Variants in LMNB2 observed in about 807,000 individuals in gnomAD.
LMNB2 encodes lamin B2, also known as lamin-B2.
Under a neutral mutation model 69.3 loss-of-function variants are expected in LMNB2, and 17 were observed. That is an observed-to-expected ratio of 0.25 (90% confidence interval 0.17 to 0.37). The LOEUF is 0.37. Ranked by LOEUF, LMNB2 falls within the 10% of genes least tolerant of loss-of-function variation. The pLI, the probability that LMNB2 is intolerant of heterozygous loss-of-function variation, is 1.00. For missense variants in LMNB2, 789 were observed against 883.6 expected (o/e 0.89, Z 1.36); for synonymous variants, 397 against 389.3 (o/e 1.02, Z -0.23).
chr19:2,430,823 T>C lies in LMNB2; in HGVS notation c.*88A>G. On this transcript the variant is annotated 3_prime_UTR_variant, in exon 12 of 12. Coordinates refer to ENST00000325327, the MANE Select transcript of LMNB2 (RefSeq NM_032737.4). The stretch of plus-strand genomic sequence containing the variant: ...AGTTCGCTTAGAAATTCTCTAGAAA[T>C]GTATCAAGAACTAAAGAAAGCCAAT... 1.1e-6 allele frequency: 1 copy of C among 923,614 alleles called. No individual in the cohort carries two copies. The highest frequency in any genetic ancestry group is 1.3e-5 in the South Asian group (1 of 77,206). The allele number at this position is 923,614 out of a possible 1,614,324, so 57.2% of individuals were successfully genotyped here.
intron 1 of LMNB2, among the ~76,000 whole-genome samples, chr19:2,455,415 G>A (rs1020421039): frequency 2.0e-5 from 3 of 151,982 alleles, no homozygotes; most frequent in Admixed American, 2.0e-4. Context: ...TCAGTTGGGG[G>A]GGGTCCGCCA....
chr19:2,447,605 G>A lies in LMNB2; in HGVS notation c.265-3065C>T, dbSNP rs909938294. Among the ~76,000 whole-genome samples, 11 of 152,194 alleles carry A rather than the reference G, an allele frequency of 7.2e-5. No individual in the cohort carries two copies. The highest frequency in any genetic ancestry group is 1.9e-4 in the East Asian group (1 of 5,196). On this transcript the variant is annotated intron_variant, in intron 1 of 11. Coordinates refer to ENST00000325327, the MANE Select transcript of LMNB2 (RefSeq NM_032737.4). The surrounding 1 kb of genome is among the most constrained non-coding windows in gnomAD (Gnocchi z 4.4). ...TCTGGCGCTGAGGAAAAGGAGGACC[G>A]GAGGATGGTAGGCGGAACCAGGCCC...
intron 2 of LMNB2, among the ~76,000 whole-genome samples, chr19:2,439,856 C>T (rs1038450678): frequency 7.2e-5 from 11 of 151,902 alleles, no homozygotes; most frequent in African/African-American, 2.2e-4. Context: ...GCCTCAGCCT[C>T]CTGTGTAGCT....
intron 3 of LMNB2, 31 bp from the exon 4 acceptor site, chr19:2,438,319 AC>A (rs1555683476): frequency 5.6e-6 from 9 of 1,613,630 alleles, no homozygotes; most frequent in Non-Finnish European, 7.6e-6. Context: ...AGCTGGTGTG[AC>A]AATCTGTCTG....
intron 1 of LMNB2, among the ~76,000 whole-genome samples, chr19:2,454,952 G>C (rs748237685): frequency 6.6e-6 from 1 of 151,864 alleles, no homozygotes; most frequent in Non-Finnish European, 1.5e-5. Flanking sequence ...CTGAAGCCTC[G>C]GGGCCCATTC....
At position 2,456,111 on chromosome 19, in the gene LMNB2, T is replaced by C. The variant is rs1476725961; in HGVS notation, c.264+559A>G. 1.3e-4 allele frequency among the ~76,000 whole-genome samples: 17 copies of C among 133,592 alleles called. No individual in the cohort carries two copies. The East Asian group carries it at 1.3e-3, about 10-fold the overall frequency. The allele number at this position is 133,592 out of a possible 152,430, so 87.6% of individuals were successfully genotyped here. On this transcript the variant is annotated intron_variant, in intron 1 of 11. Transcript: ENST00000325327. Reference sequence around the variant, plus strand: ...GAGTCCCCCGCGATCGCGCGCCCCGTGGTGGGCGGGGCCTGGCCGAGTAGC... The same window carrying C: ...GAGTCCCCCGCGATCGCGCGCCCCGCGGTGGGCGGGGCCTGGCCGAGTAGC...
intron 2 of LMNB2, among the ~76,000 whole-genome samples, chr19:2,439,952 C>T (rs111567996): frequency 0.042 from 6,362 of 151,466 alleles, 153 homozygotes; most frequent in Non-Finnish European, 0.051. Flanking sequence ...AGGCTGGTCT[C>T]GAACTCCCAA....
chr19:2,438,409 C>A lies in LMNB2; in HGVS notation c.524G>T (p.Ser175Ile). 1 of 1,612,848 alleles carries A rather than the reference C, an allele frequency of 6.2e-7. No homozygotes were observed. Among genetic ancestry groups the A allele is most frequent in the Non-Finnish European group, 8.5e-7 (1 of 1,179,886 alleles). The change falls in exon 3 of 12, where the codon AGT becomes ATT. Residue 175 changes from serine (S) to isoleucine (I), a missense_variant. Transcript: ENST00000325327. ...CTGGGCCCGCAGCTCAGCCACGTCA[C>A]TCTCCAGGCCGCGCTTGTCGCTGAG... ...AALSDKRGLE[S>I]DVAELRAQLA... is the part of the protein sequence containing the mutation.
At chr19:2,432,346 G>C in intron 9 of LMNB2, 70 bp downstream of exon 9, 2 of 758,066 alleles carry the variant, frequency 2.6e-6, no homozygotes, top group Non-Finnish European at 4.3e-6. Context: ...CAAGTCCTGT[G>C]CCTCCAGTCC....
chr19:2,449,483 A>C (rs573254948), intron 1 of LMNB2, among the ~76,000 whole-genome samples: 190 of 152,326 alleles, frequency 1.2e-3, no homozygotes, highest in Admixed American at 2.2e-3. Flanking sequence ...TGATTTTTAA[A>C]AGATAATCCA....
At position 2,432,450 on chromosome 19, in the gene LMNB2, G is replaced by A; in HGVS notation, c.1556C>T (p.Pro519Leu). ...EGEEIAYKFT[P>L]KYILRAGQMV... is the part of the protein sequence containing the mutation. ...CTGGCCGGCGCGCAGGATGTACTTG[G>A]GCGTGAACTTGTAGGCGATCTCCTC... Residue 519 changes from proline to leucine, a missense_variant, in exon 9 of 12, where the codon CCC becomes CTC. Around this residue, in one of 3 missense-constraint regions of LMNB2, gnomAD observed 609 missense variants for 630.9 expected, o/e 0.97. Coordinates refer to ENST00000325327, the MANE Select transcript of LMNB2 (RefSeq NM_032737.4). The A allele has an allele frequency of 1.9e-6, 3 of 1,613,590 alleles. No homozygotes were observed. Among genetic ancestry groups the A allele is most frequent in the Non-Finnish European group, 2.5e-6 (3 of 1,179,890 alleles).
chr19:2,430,949 C>G lies in LMNB2; in HGVS notation c.1825G>C (p.Asp609His). 6.2e-7 allele frequency: 1 copy of G among 1,609,046 alleles called. No individual in the cohort carries two copies. Among genetic ancestry groups the G allele is most frequent in the Non-Finnish European group, 8.5e-7 (1 of 1,175,790 alleles). ...GEEDLFHQQG[D>H]PRTTSRGCYV... ...CAGCCTCTTGAGGTGGTCCTCGGGT[C>G]CCCCTGCAGGAAGGAAGGAAGGAAG... Residue 609 changes from aspartate (D) to histidine (H), a missense_variant, in exon 12 of 12, where the codon GAC becomes CAC. By Grantham distance (81) the Asp-to-His change is moderately conservative (BLOSUM62 -1). This residue lies in a region of LMNB2 where 609 missense variants were observed against 630.9 expected (regional missense o/e 0.97). Coordinates refer to ENST00000325327, the MANE Select transcript of LMNB2 (RefSeq NM_032737.4).
chr19:2,448,616 G>A lies in LMNB2; in HGVS notation c.265-4076C>T, dbSNP rs1006472575. Among the ~76,000 whole-genome samples, 5 of 152,328 alleles carry A rather than the reference G, an allele frequency of 3.3e-5. No individual in the cohort carries two copies. In the South Asian group the frequency reaches 1.0e-3, roughly 32 times the overall value. ...TCATCCCAGCACTTTGGGAGGCTGA[G>A]GTGGGCGGATTACGAGGTTAGGAGA... On this transcript the variant is annotated intron_variant, in intron 1 of 11. Transcript: ENST00000325327.
At chr19:2,434,168 G>A in intron 7 of LMNB2, 63 bp from the exon 8 acceptor site, 2 of 1,550,458 alleles carry the variant, frequency 1.3e-6, no homozygotes, top group Non-Finnish European at 1.7e-6. Flanking sequence ...AGGGCACGCA[G>A]AGTGGCGGCC....
At position 2,447,737 on chromosome 19, in the gene LMNB2, A is replaced by C. The variant is rs981069554; in HGVS notation, c.265-3197T>G. ...CCTGCATCTGGAGGGCCACACCCCC[A>C]TGTTACAGGCGAGGCTCCTGTGCAG... On this transcript the variant is annotated intron_variant, in intron 1 of 11. Transcript: ENST00000325327. This position sits in a 1 kb window ranked among gnomAD's most constrained non-coding sequence, Gnocchi z 4.4. 1.3e-4 allele frequency among the ~76,000 whole-genome samples: 20 copies of C among 152,234 alleles called. No homozygotes were observed. Among genetic ancestry groups the C allele is most frequent in the Non-Finnish European group, 2.6e-4 (18 of 68,002 alleles).
intron 1 of LMNB2, among the ~76,000 whole-genome samples, chr19:2,451,026 A>T (rs759689458): frequency 7.2e-5 from 11 of 152,064 alleles, no homozygotes; most frequent in Admixed American, 2.0e-4. Flanking sequence ...AGATCCCCTG[A>T]GGTCAGGAGT....
In LMNB2 at chr19:2,429,814, T is replaced by C. The variant is rs1599328331; in HGVS notation, c.*1097A>G. Reference sequence around the variant, plus strand: ...TAAAAAAATAACTTCTGTGTATCTATGAGGGAGGGTGTAAACGGTGAGCTA... The same window carrying C: ...TAAAAAAATAACTTCTGTGTATCTACGAGGGAGGGTGTAAACGGTGAGCTA... On this transcript the variant is annotated 3_prime_UTR_variant, in exon 12 of 12. Transcript: ENST00000325327. The C allele has an allele frequency of 6.6e-6, 1 of 152,186 alleles. No homozygotes were observed. The highest frequency in any genetic ancestry group is 1.9e-4 in the East Asian group (1 of 5,182). The allele number at this position is 152,186 out of a possible 1,614,324, so 9.4% of individuals were successfully genotyped here.
chr19:2,431,651 G>A lies in LMNB2; in HGVS notation c.1718C>T (p.Ala573Val), dbSNP rs761076527. Residue 573 changes from alanine to valine, a missense_variant, in exon 11 of 12, where the codon GCC becomes GTC. This residue lies in a region of LMNB2 where 609 missense variants were observed against 630.9 expected (regional missense o/e 0.97). Coordinates refer to ENST00000325327, the MANE Select transcript of LMNB2 (RefSeq NM_032737.4). ...VLVNADGEEV[A>V]MRTVKKSSVM... is the part of the protein sequence containing the mutation. ...CGAGGACTTCTTCACAGTCCTCATG[G>A]CCACTTCCTGTGCGGGACAGGACAC... The A allele has an allele frequency of 6.2e-7, 1 of 1,614,078 alleles. No individual in the cohort carries two copies. The highest frequency in any genetic ancestry group is 8.5e-7 in the Non-Finnish European group (1 of 1,179,996).
chr19:2,450,109 T>TATACATATACATATACATATACATATAC (rs769497368), intron 1 of LMNB2, among the ~76,000 whole-genome samples: 2 of 143,164 alleles, frequency 1.4e-5, no homozygotes, highest in African/African-American at 5.6e-5. Flanking sequence ...TACATATACA[T>TATACATATACATATACATATACATATAC]ATATATATAC....
Sources: allele counts gnomAD v4.1 joint callset (sites outside exome capture counted in the v4.1 genomes callset), GRCh38; gene constraint gnomAD v4.1.1; regional missense constraint gnomAD v4.1.1; non-coding constraint Gnocchi (gnomAD v3.1); transcripts MANE v1.5; gene names NCBI Gene and HGNC (gene_info 2026-07-23, HGNC 2026-07-21).